The following EVC variants were observed in gnomAD, a reference collection of about 807,000 sequenced individuals.
EVC encodes the protein evC complex member EVC.
Under a neutral mutation model 118.9 loss-of-function variants are expected in EVC, and 116 were observed. The observed-to-expected ratio is 0.98, with a 90% CI of 0.84 to 1.14. The LOEUF (loss-of-function observed/expected upper bound fraction) is 1.14. Among genes scored for constraint, EVC ranks in the 50% most tolerant of loss-of-function variants. The probability of loss-of-function intolerance (pLI) is 0.00; values close to 1 mark genes in which losing one functional copy is unlikely to be tolerated. For missense variants in EVC, 1,401 were observed against 1,246.4 expected, an observed-to-expected ratio of 1.12 and a Z score of -1.87; for synonymous variants, 619 against 534.7, an observed-to-expected ratio of 1.16 and a Z score of -2.18.
Position 5,719,427 on chromosome 4 carries a change from T to C in EVC, c.300+54T>C. 6.2e-7 allele frequency: 1 copy of C among 1,610,158 alleles called. No individual in the cohort carries two copies. Among genetic ancestry groups the C allele is most frequent in the Non-Finnish European group, 8.5e-7 (1 of 1,179,330 alleles). ...GAGGCACATGTGGGAGGTGGGGTAT[T>C]CCCCCTGGAAGCCGGGTGTCATGTA... On this transcript the variant is annotated intron_variant, in intron 2 of 20. Coordinates refer to ENST00000264956, the MANE Select transcript of EVC (RefSeq NM_153717.3). This position sits in a 1 kb window ranked among gnomAD's most constrained non-coding sequence, Gnocchi z 4.7.
At chr4:5,814,624 C>T (rs746495224), downstream of EVC, among the ~76,000 whole-genome samples, 13 of 152,300 alleles carry the variant, frequency 8.5e-5, no homozygotes, top group Middle Eastern at 6.8e-3. Context: ...AGGCTGAGCC[C>T]ACCCCTGCGG....
In EVC at chr4:5,811,721, G is replaced by T. The variant is rs1395879403; in HGVS notation, c.*684G>T. 1 of 149,908 alleles carries T rather than the reference G, an allele frequency of 6.7e-6. No homozygotes were observed. The highest frequency in any genetic ancestry group is 2.5e-5 in the African/African-American group (1 of 39,480). 9.3% of individuals were successfully genotyped at this position (149,908 alleles called of 1,614,324 possible). A position where few individuals can be genotyped will look rare whatever the true frequency, so the allele number is the denominator to read the frequency against. On this transcript the variant is annotated 3_prime_UTR_variant, in exon 21 of 21. Transcript: ENST00000264956. ...CCAGGAGGGGCCTTTCCCACCTGGA[G>T]AGAAACTTCCAGACCAGCCCCTCAT...
chr4:5,803,776 A>C (rs955672963), intron 16 of EVC, among the ~76,000 whole-genome samples: 1 of 152,196 alleles, frequency 6.6e-6, no homozygotes, highest in African/African-American at 2.4e-5. Flanking sequence ...CCAGCTAATT[A>C]AGTGTGATGG....
chr4:5,729,649 A>T lies in EVC; in HGVS notation c.384+259A>T, dbSNP rs895870813. On this transcript the variant is annotated intron_variant, in intron 3 of 20. Transcript: ENST00000264956. ...AGGACAGCTCCCTCTCTGCCTTTTT[A>T]ACACTAATACAAACACTGATACCGA... 3.7e-4 allele frequency among the ~76,000 whole-genome samples: 56 copies of T among 152,230 alleles called. 1 individual carries two copies. The highest frequency in any genetic ancestry group is 1.2e-3 in the African/African-American group (51 of 41,546).
chr4:5,785,511 A>G (rs191089196), intron 12 of EVC, among the ~76,000 whole-genome samples: 93 of 152,346 alleles, frequency 6.1e-4, no homozygotes, highest in Middle Eastern at 3.4e-3. Flanking sequence ...ATGCAAACAC[A>G]TGACCACTCA....
intron 12 of EVC, among the ~76,000 whole-genome samples, chr4:5,788,159 C>A (rs1395319181): frequency 6.6e-6 from 1 of 152,154 alleles, no homozygotes; most frequent in Non-Finnish European, 1.5e-5. Context: ...TTTTCTAATG[C>A]TGTGTAACAA....
intron 17 of EVC, among the ~76,000 whole-genome samples, chr4:5,807,312 A>T (rs745641065): frequency 2.0e-5 from 3 of 152,180 alleles, no homozygotes; most frequent in Non-Finnish European, 4.4e-5. Context: ...TAGGGTGCAC[A>T]GGAATTTGCT....
chr4:5,748,596 CCA>C (rs1729782085), intron 8 of EVC, among the ~76,000 whole-genome samples: 1 of 133,124 alleles, frequency 7.5e-6, no homozygotes, highest in African/African-American at 2.8e-5. Context: ...ATCCATCCAT[CCA>C]TCCACCCATC....
chr4:5,795,718 G>T (rs1270226123), intron 13 of EVC, among the ~76,000 whole-genome samples: 1 of 152,224 alleles, frequency 6.6e-6, no homozygotes, highest in Non-Finnish European at 1.5e-5. Flanking sequence ...GACACCTGGT[G>T]AGCCATACTG....
intron 11 of EVC, among the ~76,000 whole-genome samples, chr4:5,769,980 C>T (rs762429867): frequency 6.6e-6 from 1 of 152,070 alleles, no homozygotes; most frequent in Non-Finnish European, 1.5e-5. Context: ...CCAGCACTCC[C>T]TGACAGCTGC....
chr4:5,804,752 A>T lies in EVC; in HGVS notation c.2472A>T (p.Lys824Asn). The change falls in exon 17 of 21, where the codon AAA (lysine) becomes AAT (asparagine). Residue 824 changes from lysine to asparagine, a missense_variant. Transcript: ENST00000264956. ...TAGGTGAGAGGATGGAAAATTACAA[A>T]CTGCGGAAAAAGCAAGAACTCAGCA... Reference protein sequence around the residue: ...TLQGERMENYKLRKKQELSNP... With the variant: ...TLQGERMENYNLRKKQELSNP... 6.2e-7 allele frequency: 1 copy of T among 1,614,076 alleles called. No homozygotes were observed. Among genetic ancestry groups the T allele is most frequent in the South Asian group, 1.1e-5 (1 of 91,064 alleles).
At chr4:5,806,393 G>C in intron 17 of EVC, among the ~76,000 whole-genome samples, 1 of 152,024 alleles carries the variant, frequency 6.6e-6, no homozygotes, top group East Asian at 1.9e-4. Flanking sequence ...CATTCTACTC[G>C]CTGTGTCCAT....
At chr4:5,767,167 G>C (rs1257492810) in intron 11 of EVC, among the ~76,000 whole-genome samples, 2 of 151,988 alleles carry the variant, frequency 1.3e-5, no homozygotes, top group African/African-American at 4.8e-5. Context: ...GCTGTGTGAG[G>C]TGTCAGTCTG....
At chr4:5,761,459 G>A (rs552089045) in intron 11 of EVC, among the ~76,000 whole-genome samples, 2 of 145,654 alleles carry the variant, frequency 1.4e-5, no homozygotes, top group East Asian at 2.2e-4. Flanking sequence ...GAGGTTCTCA[G>A]GAGGTTTAAT....
chr4:5,819,407 T>C, the EVC span, among the ~76,000 whole-genome samples: 8 of 152,184 alleles, frequency 5.3e-5, no homozygotes, highest in African/African-American at 1.9e-4. Context: ...GGAAGTCACA[T>C]GCCTTAAAAG....
intron 11 of EVC, among the ~76,000 whole-genome samples, chr4:5,775,643 C>T (rs944117925): frequency 2.6e-5 from 4 of 152,124 alleles, no homozygotes; most frequent in Non-Finnish European, 5.9e-5. Flanking sequence ...GTGGAGTGTT[C>T]TGTTGTATAA....
intron 14 of EVC, 140 bp downstream of exon 14, chr4:5,797,372 C>T: frequency 1.4e-6 from 1 of 738,202 alleles, no homozygotes; most frequent in Non-Finnish European, 2.4e-6. Context: ...CCGGGGCTGC[C>T]ATAGCAAGGT....
rs139720416 is a variant in EVC, at chr4:5,749,834, C to T, written c.1098+1528C>T. Among the ~76,000 whole-genome samples the T allele has an allele frequency of 6.6e-6, 1 of 152,278 alleles. No homozygotes were observed. The highest frequency in any genetic ancestry group is 2.4e-5 in the African/African-American group (1 of 41,554). On this transcript the variant is annotated intron_variant, in intron 8 of 20. Transcript: ENST00000264956. This position sits in a 1 kb window ranked among gnomAD's most constrained non-coding sequence, Gnocchi z 4.4. Reference sequence around the variant, plus strand: ...GTGGGAAAGCCAAGCCTCAACGGATCTTTGCCTCCCCTTGCACACCACATG... The same window carrying T: ...GTGGGAAAGCCAAGCCTCAACGGATTTTTGCCTCCCCTTGCACACCACATG...
intron 11 of EVC, among the ~76,000 whole-genome samples, chr4:5,779,183 C>G (rs1289049588): frequency 2.0e-5 from 3 of 151,326 alleles, no homozygotes; most frequent in African/African-American, 4.8e-5. Context: ...GGGCTCTGTT[C>G]TGTTCCATTG....
Sources: gnomAD v4.1 joint callset for allele counts (sites outside exome capture counted in the v4.1 genomes callset) on GRCh38, gnomAD v4.1.1 for gene constraint, Gnocchi (gnomAD v3.1) non-coding constraint, MANE v1.5 for transcripts, NCBI Gene and HGNC (gene_info 2026-07-23, HGNC 2026-07-21) for gene names.